The following EPHA6 variants were observed in gnomAD, a reference collection of about 807,000 sequenced individuals.
The protein encoded by EPHA6 is EPH receptor A6, also known as ephrin type-A receptor 6.
EPHA6 carries 50 observed loss-of-function variants against 112.0 expected under a neutral mutation model. The ratio of observed to expected loss-of-function variants is 0.45; its 90% CI spans 0.36 to 0.56. The LOEUF (loss-of-function observed/expected upper bound fraction) is 0.56. Among genes scored for constraint, EPHA6 ranks in the 20% least tolerant of loss-of-function variants. The pLI, the probability that EPHA6 is intolerant of heterozygous loss-of-function variation, is 0.00. For missense variants in EPHA6, 1,280 were observed against 1,417.4 expected (o/e 0.90, Z 1.56); for synonymous variants, 529 against 490.7 (o/e 1.08, Z -1.03).
intron 11 of EPHA6, among the ~76,000 whole-genome samples, chr3:97,589,648 G>C (rs2093524889): frequency 6.6e-6 from 1 of 152,108 alleles, no homozygotes; most frequent in African/African-American, 2.4e-5. Flanking sequence ...AAGTTATCAT[G>C]AAAGTGGAGA....
chr3:97,062,612 G>T (rs1265782130), intron 3 of EPHA6, among the ~76,000 whole-genome samples: 1 of 152,170 alleles, frequency 6.6e-6, no homozygotes, highest in African/African-American at 2.4e-5. Flanking sequence ...GGGACCCAAT[G>T]GGAGATAATT....
chr3:97,386,355 G>T (rs1023717193), intron 5 of EPHA6, among the ~76,000 whole-genome samples: 2 of 152,122 alleles, frequency 1.3e-5, no homozygotes, highest in African/African-American at 4.8e-5. Flanking sequence ...AATAATAAGG[G>T]TACAGACATC....
chr3:97,640,914 G>C (rs1278915689), intron 14 of EPHA6, among the ~76,000 whole-genome samples: 1 of 152,122 alleles, frequency 6.6e-6, no homozygotes, highest in African/African-American at 2.4e-5. Context: ...ACTTTAATTA[G>C]GGCAATGACA....
intron 3 of EPHA6, among the ~76,000 whole-genome samples, chr3:97,177,832 T>C (rs1251078545): frequency 6.6e-6 from 1 of 152,062 alleles, no homozygotes; most frequent in Non-Finnish European, 1.5e-5. Flanking sequence ...TATCAGTCTA[T>C]GTGTGCCTTT....
intron 5 of EPHA6, among the ~76,000 whole-genome samples, chr3:97,375,213 C>A (rs749590805): frequency 3.9e-5 from 6 of 152,098 alleles, no homozygotes; most frequent in Non-Finnish European, 7.4e-5. Flanking sequence ...TTCTTTCTCT[C>A]CTTGCAAAAT....
chr3:97,052,592 G>A (rs2045719201), intron 3 of EPHA6, among the ~76,000 whole-genome samples: 1 of 152,042 alleles, frequency 6.6e-6, no homozygotes, highest in Non-Finnish European at 1.5e-5. Flanking sequence ...GGAAAGTAAA[G>A]GTGTGTTTTG....
intron 7 of EPHA6, among the ~76,000 whole-genome samples, 199 bp downstream of exon 7, chr3:97,448,929 T>C (rs1434872768): frequency 6.6e-6 from 1 of 152,146 alleles, no homozygotes; most frequent in African/African-American, 2.4e-5. Flanking sequence ...TACTCTACCA[T>C]AAAAGTAATG....
At chr3:97,371,639 A>G (rs2085063383) in intron 5 of EPHA6, among the ~76,000 whole-genome samples, 1 of 152,158 alleles carries the variant, frequency 6.6e-6, no homozygotes, top group Admixed American at 6.5e-5. Context: ...GAACAGGATA[A>G]CAGCAATGTT....
intron 2 of EPHA6, among the ~76,000 whole-genome samples, chr3:96,943,751 A>T (rs1413817095): frequency 6.6e-6 from 1 of 152,212 alleles, no homozygotes; most frequent in Admixed American, 6.5e-5. Context: ...CCAGCTACTC[A>T]GTAGGCTGAG....
intron 2 of EPHA6, among the ~76,000 whole-genome samples, chr3:96,913,417 A>T (rs1576014685): frequency 1.3e-5 from 2 of 152,192 alleles, no homozygotes; most frequent in East Asian, 3.9e-4. Flanking sequence ...GACATAATCC[A>T]ATCACATTTA....
At chr3:97,698,194 G>T (rs2033158792) in intron 14 of EPHA6, among the ~76,000 whole-genome samples, 1 of 152,112 alleles carries the variant, frequency 6.6e-6, no homozygotes. Context: ...TAGTGATGGG[G>T]TTTCTCCATG....
intron 5 of EPHA6, among the ~76,000 whole-genome samples, chr3:97,335,181 C>T (rs2082999678): frequency 6.6e-6 from 1 of 152,098 alleles, no homozygotes; most frequent in African/African-American, 2.4e-5. Flanking sequence ...GTGGGGTACT[C>T]ATCATGTAAT....
chr3:97,404,814 C>T (rs1349729808), intron 5 of EPHA6, among the ~76,000 whole-genome samples: 3 of 151,966 alleles, frequency 2.0e-5, no homozygotes, highest in Non-Finnish European at 2.9e-5. Flanking sequence ...ATAAAACATA[C>T]GAGCCAAGTG....
intron 3 of EPHA6, among the ~76,000 whole-genome samples, chr3:97,123,108 A>T (rs2048087977): frequency 6.6e-6 from 1 of 152,068 alleles, no homozygotes. Flanking sequence ...TCACTTATCC[A>T]AAGGTAAATG....
chr3:97,463,793 C>A (rs1314632367), intron 7 of EPHA6, among the ~76,000 whole-genome samples: 1 of 152,054 alleles, frequency 6.6e-6, no homozygotes, highest in Non-Finnish European at 1.5e-5. Context: ...ACAAACTATA[C>A]CTAGGAAGTA....
At chr3:97,537,642 G>T (rs1182293728) in intron 11 of EPHA6, among the ~76,000 whole-genome samples, 1 of 152,076 alleles carries the variant, frequency 6.6e-6, no homozygotes, top group Non-Finnish European at 1.5e-5. Context: ...GCAGTGGCAC[G>T]ATCTTGACTC....
chr3:96,989,338 GTA>G (rs1382807668), intron 3 of EPHA6, among the ~76,000 whole-genome samples: 1 of 152,152 alleles, frequency 6.6e-6, no homozygotes, highest in Non-Finnish European at 1.5e-5. Context: ...GAAGTCGGTA[GTA>G]TATATTTTAC....
rs1408393577 is a variant in EPHA6 at position 97,263,793 on chromosome 3, T to C, written c.1606+19506T>C. ...TGCGTTGTTAGAGAGGAAAGTATAA[T>C]GTGTGGCAGGTAAACATGAAACCAA... On this transcript the variant is annotated intron_variant, in intron 5 of 17. Coordinates refer to ENST00000389672, the MANE Select transcript of EPHA6 (RefSeq NM_001080448.3). Among the ~76,000 whole-genome samples the C allele has an allele frequency of 2.6e-5, 4 of 152,118 alleles. No homozygotes were observed. In the East Asian group the frequency reaches 7.7e-4, roughly 29 times the overall value.
intron 3 of EPHA6, among the ~76,000 whole-genome samples, chr3:97,109,643 G>A (rs984209110): frequency 7.2e-5 from 11 of 152,098 alleles, no homozygotes; most frequent in Non-Finnish European, 1.3e-4. Context: ...GGAGCAGCAC[G>A]GTGAGAAGCA....
Sources: gnomAD v4.1 joint callset for allele counts (sites outside exome capture counted in the v4.1 genomes callset) on GRCh38, gnomAD v4.1.1 for gene constraint, MANE v1.5 for transcripts, NCBI Gene and HGNC (gene_info 2026-07-23, HGNC 2026-07-21) for gene names.